SLC44A5: variants seen among roughly 807,000 people sequenced by gnomAD.
SLC44A5 encodes the protein solute carrier family 44 member 5, also known as choline transporter-like protein 5.
In SLC44A5, 57 loss-of-function variants were observed where a neutral mutation model predicts 101.8. The ratio of observed to expected loss-of-function variants is 0.56; its 90% CI spans 0.45 to 0.70. The LOEUF (loss-of-function observed/expected upper bound fraction) is 0.70, where lower values mean the gene tolerates loss of function less well. SLC44A5 is among the 30% of genes least tolerant of loss of function. The pLI is 0.00. For synonymous variants in SLC44A5, 281 were observed against 290.9 expected, an observed-to-expected ratio of 0.97 and a Z score of 0.35; for missense variants, 737 against 853.1, an observed-to-expected ratio of 0.86 and a Z score of 1.70.
intron 2 of SLC44A5, among the ~76,000 whole-genome samples, chr1:75,415,632 A>G (rs1399580344): frequency 6.6e-6 from 1 of 152,214 alleles, no homozygotes; most frequent in Non-Finnish European, 1.5e-5. Context: ...GCTCAGAGGA[A>G]GCAGGAAAAT....
intron 1 of SLC44A5, among the ~76,000 whole-genome samples, chr1:75,565,786 G>T (rs967389681): frequency 2.0e-5 from 3 of 152,142 alleles, no homozygotes; most frequent in Non-Finnish European, 2.9e-5. Flanking sequence ...GAATTAAATA[G>T]TACAATTTAT....
At chr1:75,384,552 T>C (rs1661157521) in intron 3 of SLC44A5, among the ~76,000 whole-genome samples, 1 of 95,364 alleles carries the variant, frequency 1.0e-5, no homozygotes, top group African/African-American at 4.1e-5. Flanking sequence ...CCCAGATTCA[T>C]AAAGCAAGTC....
chr1:75,396,813 G>C (rs1293263038), intron 2 of SLC44A5, among the ~76,000 whole-genome samples, 192 bp from the exon 3 acceptor site: 1 of 152,074 alleles, frequency 6.6e-6, no homozygotes, highest in Non-Finnish European at 1.5e-5. Flanking sequence ...TTCTTAAGAA[G>C]TTACCAAAAA....
intron 2 of SLC44A5, among the ~76,000 whole-genome samples, chr1:75,528,232 GCT>G (rs1670528259): frequency 6.6e-6 from 1 of 152,010 alleles, no homozygotes; most frequent in Non-Finnish European, 1.5e-5. Flanking sequence ...TTCAACATGA[GCT>G]CTCTATAGGC....
intron 5 of SLC44A5, among the ~76,000 whole-genome samples, chr1:75,288,211 G>C (rs2100810987): frequency 6.6e-6 from 1 of 152,182 alleles, no homozygotes; most frequent in East Asian, 1.9e-4. Context: ...TTTATTATGT[G>C]TTAAGCTTAT....
intron 3 of SLC44A5, among the ~76,000 whole-genome samples, chr1:75,349,830 A>G (rs1658510030): frequency 6.6e-6 from 1 of 152,192 alleles, no homozygotes; most frequent in South Asian, 2.1e-4. Flanking sequence ...GTAAAATATG[A>G]ATGCATTTTA....
chr1:75,339,306 C>T (rs1657685973), intron 4 of SLC44A5, among the ~76,000 whole-genome samples: 1 of 150,162 alleles, frequency 6.7e-6, no homozygotes, highest in Admixed American at 6.6e-5. Context: ...TCTCATAAAG[C>T]ATTTTTTTTC....
intron 12 of SLC44A5, among the ~76,000 whole-genome samples, chr1:75,231,303 G>A (rs1647546969): frequency 6.6e-6 from 1 of 152,076 alleles, no homozygotes; most frequent in Admixed American, 6.6e-5. Flanking sequence ...TAGCTCATGA[G>A]TTATTTTTTT....
intron 5 of SLC44A5, among the ~76,000 whole-genome samples, chr1:75,284,005 T>C (rs1254436013): frequency 6.6e-6 from 1 of 152,136 alleles, no homozygotes; most frequent in Non-Finnish European, 1.5e-5. Context: ...TGATTCCATA[T>C]GAATTTTAAG....
chr1:75,569,453 G>C (rs960031502), intron 1 of SLC44A5, among the ~76,000 whole-genome samples: 2 of 151,924 alleles, frequency 1.3e-5, no homozygotes, highest in Non-Finnish European at 2.9e-5. Context: ...CGTTGCCCAG[G>C]CTGGTCTCGA....
chr1:75,474,266 T>A (rs1373555251), intron 2 of SLC44A5, among the ~76,000 whole-genome samples: 1 of 152,226 alleles, frequency 6.6e-6, no homozygotes, highest in East Asian at 1.9e-4. Context: ...TTACTGTCGA[T>A]AGTAAATTTG....
chr1:75,298,844 T>C (rs1391621195), intron 5 of SLC44A5, among the ~76,000 whole-genome samples: 2 of 152,190 alleles, frequency 1.3e-5, no homozygotes, highest in Non-Finnish European at 1.5e-5. Flanking sequence ...TACCCAGAAC[T>C]GTTATGCAGC....
At chr1:75,476,901 G>A (rs986317101) in intron 2 of SLC44A5, among the ~76,000 whole-genome samples, 2 of 152,228 alleles carry the variant, frequency 1.3e-5, no homozygotes, top group Non-Finnish European at 2.9e-5. Flanking sequence ...AGAGAGCAGT[G>A]CTTCTCCCAG....
At chr1:75,455,131 G>T (rs1205638704) in intron 2 of SLC44A5, among the ~76,000 whole-genome samples, 1 of 152,064 alleles carries the variant, frequency 6.6e-6, no homozygotes, top group Non-Finnish European at 1.5e-5. Context: ...ATATTATAAG[G>T]TTGTAGTAAC....
At chr1:75,281,505 A>G (rs112544202) in intron 5 of SLC44A5, among the ~76,000 whole-genome samples, 1 of 152,168 alleles carries the variant, frequency 6.6e-6, no homozygotes, top group African/African-American at 2.4e-5. Flanking sequence ...TCTAAGTATC[A>G]AGCAGCCAGA....
chr1:75,661,529 G>C, the SLC44A5 span, among the ~76,000 whole-genome samples: 1 of 149,864 alleles, frequency 6.7e-6, no homozygotes, highest in Admixed American at 6.7e-5. Context: ...TACCTAAAAA[G>C]CTTCAGTACA....
chr1:75,369,619 G>A (rs2101160752), intron 3 of SLC44A5, among the ~76,000 whole-genome samples: 1 of 152,066 alleles, frequency 6.6e-6, no homozygotes, highest in African/African-American at 2.4e-5. Flanking sequence ...TCCAAATAGA[G>A]GTTGATTCTT....
rs754751361 is a variant in SLC44A5 at position 75,507,471 on chromosome 1, T to C, written c.13+33964A>G. Reference sequence around the variant, plus strand: ...TTGCTAGCATTTTGTTGAGAATTTTTTTGTGTCTATGTTTATTAGGGGTAC... The same window carrying C: ...TTGCTAGCATTTTGTTGAGAATTTTCTTGTGTCTATGTTTATTAGGGGTAC... On this transcript the variant is annotated intron_variant, in intron 2 of 23. Transcript: ENST00000370859. 1.8e-4 allele frequency among the ~76,000 whole-genome samples: 28 copies of C among 152,192 alleles called. 1 individual carries two copies. Among genetic ancestry groups the C allele is most frequent in the Non-Finnish European group, 1.8e-4 (12 of 68,020 alleles).
At chr1:75,415,052 A>C (rs1288540535) in intron 2 of SLC44A5, among the ~76,000 whole-genome samples, 1 of 152,236 alleles carries the variant, frequency 6.6e-6, no homozygotes. Flanking sequence ...GTGGAACAGT[A>C]TTCTAGGTGA....
Sources: allele counts gnomAD v4.1 joint callset (sites outside exome capture counted in the v4.1 genomes callset), GRCh38; gene constraint gnomAD v4.1.1; transcripts MANE v1.5; gene names NCBI Gene and HGNC (gene_info 2026-07-23, HGNC 2026-07-21).